Variants in SUMF2 observed in about 807,000 individuals in gnomAD.
SUMF2 encodes inactive C-alpha-formylglycine-generating enzyme 2.
A neutral mutation model predicts 44.8 loss-of-function variants in SUMF2; 45 were observed. The observed-to-expected ratio is 1.00, with a 90% CI of 0.79 to 1.29. The LOEUF (loss-of-function observed/expected upper bound fraction) is 1.29, where lower values mean the gene tolerates loss of function less well. Ranked by LOEUF, SUMF2 falls within the 50% of genes most tolerant of loss-of-function variation. SUMF2 has a pLI of 0.00. For synonymous variants in SUMF2, 148 were observed against 150.4 expected (o/e 0.98, Z 0.12); for missense variants, 418 against 389.9 (o/e 1.07, Z -0.61).
At chr7:56,074,042 A>T in intron 3 of SUMF2, 132 bp from the exon 4 acceptor site, 2 of 624,124 alleles carry the variant, frequency 3.2e-6, no homozygotes, top group East Asian at 3.1e-5. Context: ...AAAAAAAAAA[A>T]AATCAGCCAC....
At position 56,080,203 on chromosome 7, in the gene SUMF2, G is replaced by T; in HGVS notation, c.*591G>T. The T allele has an allele frequency of 4.7e-6, 1 of 214,424 alleles. No homozygotes were observed. The highest frequency in any genetic ancestry group is 1.1e-4 in the East Asian group (1 of 8,968). 13.3% of individuals were successfully genotyped at this position (214,424 alleles called of 1,614,324 possible). On this transcript the variant is annotated 3_prime_UTR_variant, in exon 9 of 9. Coordinates refer to ENST00000434526, the MANE Select transcript of SUMF2 (RefSeq NM_015411.4). ...GATGTACTAGGTGAAGCATTGCATT[G>T]TGGGAATCACAAAGCAAATAGTACT...
At chr7:56,067,033 A>G (rs1225386994) in intron 1 of SUMF2, among the ~76,000 whole-genome samples, 1 of 152,232 alleles carries the variant, frequency 6.6e-6, no homozygotes, top group African/African-American at 2.4e-5. Context: ...ATACTGTCAT[A>G]TATGTATTAT....
At chr7:56,078,326 G>A (rs11978209) in intron 7 of SUMF2, 38 bp from the exon 8 acceptor site, 36,011 of 1,559,510 alleles carry the variant, frequency 0.023, 463 homozygotes, top group African/African-American at 0.031. Flanking sequence ...GGTGGTCGGC[G>A]GGTCCCAGCC....
intron 2 of SUMF2, among the ~76,000 whole-genome samples, chr7:56,070,139 C>T (rs1411143246): frequency 6.6e-6 from 1 of 151,952 alleles, no homozygotes; most frequent in Non-Finnish European, 1.5e-5. Flanking sequence ...GAACTCTTGA[C>T]CTCAGGTGAT....
downstream of SUMF2, chr7:56,084,389 T>TC (rs1554370039): frequency 6.5e-3 from 3,661 of 562,426 alleles, 10 homozygotes; most frequent in Non-Finnish European, 8.7e-3. Flanking sequence ...TTTTTTTTTT[T>TC]TTGAGATGGA....
At chr7:56,078,019 C>A in intron 6 of SUMF2, 83 bp from the exon 7 acceptor site, 1 of 1,202,048 alleles carries the variant, frequency 8.3e-7, no homozygotes, top group South Asian at 1.4e-5. Context: ...AACAGCAAGA[C>A]GACCTTGGTT....
At chr7:56,071,736 G>A (rs887918607) in intron 2 of SUMF2, among the ~76,000 whole-genome samples, 9 of 151,638 alleles carry the variant, frequency 5.9e-5, no homozygotes, top group African/African-American at 1.9e-4. Context: ...AGTGAGCTGA[G>A]TTCATGCCAC....
At chr7:56,074,783 G>T in intron 5 of SUMF2, 47 bp downstream of exon 5, 2 of 1,609,900 alleles carry the variant, frequency 1.2e-6, no homozygotes, top group African/African-American at 1.3e-5. Context: ...TCCCCATCCT[G>T]CCCAGCATGA....
At chr7:56,070,020 T>C (rs2117418643) in intron 2 of SUMF2, among the ~76,000 whole-genome samples, 1 of 152,214 alleles carries the variant, frequency 6.6e-6, no homozygotes, top group Non-Finnish European at 1.5e-5. Context: ...GCGATTCTCC[T>C]ACCTCAGCCT....
intron 2 of SUMF2, among the ~76,000 whole-genome samples, chr7:56,069,606 G>A (rs1472048817): frequency 6.6e-6 from 1 of 151,716 alleles, no homozygotes; most frequent in Admixed American, 6.6e-5. Flanking sequence ...TATTGTTATT[G>A]TTATTATTTT....
the SUMF2 span, chr7:56,086,833 C>G: frequency 1.4e-6 from 1 of 716,020 alleles, no homozygotes; most frequent in East Asian, 2.5e-5. Flanking sequence ...AGGGGCTGAT[C>G]TGTCTAAACA....
In SUMF2 at chr7:56,079,536, A is replaced by G. The variant is rs752296837; in HGVS notation, c.830A>G (p.Asn277Ser). 8 of 1,612,258 alleles carry G rather than the reference A, an allele frequency of 5.0e-6. No individual in the cohort carries two copies. The highest frequency in any genetic ancestry group is 5.9e-6 in the Non-Finnish European group (7 of 1,178,586). Residue 277 changes from asparagine (N) to serine (S), a missense_variant, in exon 9 of 9, where the codon AAC becomes AGC. Physicochemically the swap from Asn to Ser is conservative, Grantham distance 46. Transcript: ENST00000434526. Reference sequence around the variant, plus strand: ...CCCTTCTCTGCTGGCAGGATGGGCAACACTCCAGATTCAGCCTCAGACAAC... The same window carrying G: ...CCCTTCTCTGCTGGCAGGATGGGCAGCACTCCAGATTCAGCCTCAGACAAC... Reference protein sequence around the residue: ...HRARVTTRMGNTPDSASDNLG... With the variant: ...HRARVTTRMGSTPDSASDNLG...
At chr7:56,085,588 CCT>C (rs1207295175), downstream of SUMF2, among the ~76,000 whole-genome samples, 2 of 152,268 alleles carry the variant, frequency 1.3e-5, no homozygotes, top group South Asian at 2.1e-4. Flanking sequence ...CTACCACCTG[CCT>C]CTCTCCTCAA....
chr7:56,075,505 G>A (rs1795476337), intron 5 of SUMF2, among the ~76,000 whole-genome samples: 1 of 151,674 alleles, frequency 6.6e-6, no homozygotes, highest in Non-Finnish European at 1.5e-5. Context: ...GACCATCCTG[G>A]CTAACACAGT....
At chr7:56,081,237 A>T (rs748353416), downstream of SUMF2, 15 of 1,613,536 alleles carry the variant, frequency 9.3e-6, no homozygotes, top group Middle Eastern at 3.3e-4. The surrounding 1 kb of genome is among the most constrained non-coding windows in gnomAD (Gnocchi z 4.6). Context: ...CCCGGGTCAC[A>T]GGCTTCACCC....
At chr7:56,076,692 T>C (rs1562868404) in intron 5 of SUMF2, 142 bp from the exon 6 acceptor site, 2 of 711,152 alleles carry the variant, frequency 2.8e-6, no homozygotes, top group East Asian at 5.8e-5. Flanking sequence ...AGGATGGGCA[T>C]GGCAAATAAA....
chr7:56,065,428 GCTT>G, intron 1 of SUMF2, among the ~76,000 whole-genome samples: 1 of 152,008 alleles, frequency 6.6e-6, no homozygotes, highest in Non-Finnish European at 1.5e-5. Flanking sequence ...AATTGACAGT[GCTT>G]CTTAATAATA....
intron 1 of SUMF2, among the ~76,000 whole-genome samples, chr7:56,067,893 CG>C (rs1178411793): frequency 1.0e-3 from 103 of 98,526 alleles, no homozygotes; most frequent in African/African-American, 3.7e-3. Context: ...GATCCTGTCA[CG>C]AAAAAAAAAA....
chr7:56,065,734 T>A (rs1794739764), intron 1 of SUMF2, among the ~76,000 whole-genome samples: 1 of 152,060 alleles, frequency 6.6e-6, no homozygotes, highest in African/African-American at 2.4e-5. Context: ...ATTACAGGCG[T>A]AAGCCACCAC....
Sources: gnomAD v4.1 joint callset for allele counts (sites outside exome capture counted in the v4.1 genomes callset) on GRCh38, gnomAD v4.1.1 for gene constraint, Gnocchi (gnomAD v3.1) non-coding constraint, MANE v1.5 for transcripts, NCBI Gene and HGNC (gene_info 2026-07-23, HGNC 2026-07-21) for gene names.